The following P4HA3 variants were observed in gnomAD, a reference collection of about 807,000 sequenced individuals.
P4HA3 encodes prolyl 4-hydroxylase subunit alpha 3, also known as prolyl 4-hydroxylase subunit alpha-3.
Under a neutral mutation model 66.7 loss-of-function variants are expected in P4HA3, and 60 were observed. The ratio of observed to expected loss-of-function variants is 0.90; its 90% confidence interval spans 0.73 to 1.12. P4HA3 has a LOEUF of 1.12. Among genes scored for constraint, P4HA3 ranks in the 50% most tolerant of loss-of-function variants. The pLI, the probability that P4HA3 is intolerant of heterozygous loss-of-function variation, is 0.00. For missense variants in P4HA3, 683 were observed against 685.8 expected, an observed-to-expected ratio of 1.00 and a Z score of 0.05; for synonymous variants, 263 against 274.6, an observed-to-expected ratio of 0.96 and a Z score of 0.42.
chr11:74,311,417 C>T lies in P4HA3; in HGVS notation c.195G>A (p.Leu65=). 1 of 1,525,224 alleles carries T rather than the reference C, an allele frequency of 6.6e-7. No individual in the cohort carries two copies. Among genetic ancestry groups the T allele is most frequent in the Non-Finnish European group, 8.7e-7 (1 of 1,143,750 alleles). The allele number at this position is 1,525,224 out of a possible 1,614,324, so 94.5% of individuals were successfully genotyped here. A position where few individuals can be genotyped will look rare whatever the true frequency, so the allele number is the denominator to read the frequency against. ...CCCACTCGTCGTGCCCTCACCTAGT[C>T]AGGTCCCGCAGCCGCGCCTCCTCCC... ...LRGEEARLRD[L]TRFYDKVLSL... is the part of the protein sequence containing the mutation. Residue 65 remains leucine, a synonymous_variant, in exon 1 of 13, where the codon CTG becomes CTA. Transcript: ENST00000331597.
chr11:74,253,675 A>G, intron 15 of P4HA3: 2 of 754,658 alleles, frequency 2.7e-6, no homozygotes, highest in Non-Finnish European at 4.5e-6. Flanking sequence ...GTATTCTGCC[A>G]AAAGCATTGT....
At chr11:74,253,720 G>A (rs1859763498) in intron 15 of P4HA3, 1 of 622,482 alleles carries the variant, frequency 1.6e-6, no homozygotes, top group Non-Finnish European at 2.9e-6. Flanking sequence ...GGCTTCCCCA[G>A]TCCAGGGCTC....
intron 4 of P4HA3, among the ~76,000 whole-genome samples, chr11:74,290,376 T>C (rs896986645): frequency 4.0e-5 from 6 of 150,702 alleles, no homozygotes; most frequent in African/African-American, 1.5e-4. Flanking sequence ...TGCGAAAATT[T>C]TCTCCCATTT....
intron 1 of P4HA3, among the ~76,000 whole-genome samples, chr11:74,308,095 T>C (rs1274942185): frequency 6.6e-6 from 1 of 152,198 alleles, no homozygotes; most frequent in Non-Finnish European, 1.5e-5. Flanking sequence ...AGTTTCAACC[T>C]CAAGAATACT....
chr11:74,306,709 G>C (rs944688074), intron 1 of P4HA3, among the ~76,000 whole-genome samples: 2 of 152,136 alleles, frequency 1.3e-5, no homozygotes, highest in Admixed American at 6.5e-5. Flanking sequence ...TAAAGAGTGA[G>C]GTCCTCAACT....
chr11:74,277,603 T>C (rs1443929402), intron 8 of P4HA3, among the ~76,000 whole-genome samples: 1 of 152,262 alleles, frequency 6.6e-6, no homozygotes, highest in Admixed American at 6.5e-5. Flanking sequence ...CTTCACAGAC[T>C]TATAAAGATT....
chr11:74,254,206 C>T (rs1294839996), intron 15 of P4HA3: 1 of 153,102 alleles, frequency 6.5e-6, no homozygotes. Flanking sequence ...CCAGGCTGCT[C>T]CAGGGGCCTC....
Position 74,267,242 on chromosome 11 carries a change from A to G in P4HA3, c.*6T>C, listed in dbSNP as rs754771602. 50 of 1,614,052 alleles carry G rather than the reference A, an allele frequency of 3.1e-5. No homozygotes were observed. Among genetic ancestry groups the G allele is most frequent in the Non-Finnish European group, 4.2e-5 (49 of 1,180,038 alleles). Reference sequence around the variant, plus strand: ...AGGACTCCACCAGCTTCTCTCTGCCAACAGTTCAGTCTTCAGGGCTGGAGC... The same window carrying G: ...AGGACTCCACCAGCTTCTCTCTGCCGACAGTTCAGTCTTCAGGGCTGGAGC... On this transcript the variant is annotated 3_prime_UTR_variant, in exon 13 of 13. Coordinates refer to ENST00000331597, the MANE Select transcript of P4HA3 (RefSeq NM_182904.5).
intron 15 of P4HA3, among the ~76,000 whole-genome samples, chr11:74,259,479 T>C (rs757426904): frequency 4.6e-5 from 7 of 152,188 alleles, no homozygotes; most frequent in Non-Finnish European, 8.8e-5. Context: ...ATTTTAACCA[T>C]GTGGAAATGA....
At chr11:74,285,607 C>A in intron 7 of P4HA3, 2 of 544,084 alleles carry the variant, frequency 3.7e-6, no homozygotes, top group Non-Finnish European at 3.2e-6. Context: ...TCTTGTACAT[C>A]ATCCAGTTAA....
intron 15 of P4HA3, among the ~76,000 whole-genome samples, chr11:74,259,375 T>C (rs1054723859): frequency 5.9e-5 from 9 of 152,052 alleles, no homozygotes; most frequent in South Asian, 4.1e-4. Context: ...AAGAGCAAGA[T>C]TCTGTCTCAA....
At position 74,289,145 on chromosome 11, in the gene P4HA3, A is replaced by G. The variant is rs776986491; in HGVS notation, c.718-15T>C. 2.1e-5 allele frequency: 33 copies of G among 1,569,998 alleles called. No homozygotes were observed. The highest frequency in any genetic ancestry group is 3.6e-5 in the South Asian group (3 of 83,322). On this transcript the variant is annotated splice_polypyrimidine_tract_variant and intron_variant, in intron 4 of 12. Transcript: ENST00000331597. ...ACATTTCCTGCCTGTTAAAAAAAAAAAAAAGAAAAGAAAGCATTAACTTCA... is the reference window on the plus strand; with the variant it reads ...ACATTTCCTGCCTGTTAAAAAAAAAGAAAAGAAAAGAAAGCATTAACTTCA...
chr11:74,286,112 C>G, intron 6 of P4HA3, 116 bp downstream of exon 6: 1 of 1,478,344 alleles, frequency 6.8e-7, no homozygotes, highest in South Asian at 1.3e-5. Context: ...TGATGCTGCC[C>G]AAGTGAGCTT....
At chr11:74,288,948 C>A (rs1240495419) in intron 5 of P4HA3, 131 bp downstream of exon 5, 1,301 of 361,756 alleles carry the variant, frequency 3.6e-3, no homozygotes, top group African/African-American at 8.5e-3. Flanking sequence ...GATGCCATCT[C>A]AAAAAAAAAA....
At chr11:74,294,422 C>T (rs915675041) in intron 4 of P4HA3, among the ~76,000 whole-genome samples, 15 of 152,060 alleles carry the variant, frequency 9.9e-5, no homozygotes, top group Non-Finnish European at 1.6e-4. Flanking sequence ...GTAGTTTGAT[C>T]GTCTGAAGCC....
chr11:74,276,153 G>T (rs1169473313), intron 9 of P4HA3, among the ~76,000 whole-genome samples: 1 of 152,204 alleles, frequency 6.6e-6, no homozygotes, highest in Non-Finnish European at 1.5e-5. Context: ...ACTGCAAAAT[G>T]GGGGAGGGTG....
intron 8 of P4HA3, among the ~76,000 whole-genome samples, chr11:74,278,836 C>G (rs151110170): frequency 1.6e-4 from 25 of 152,228 alleles, no homozygotes; most frequent in Middle Eastern, 3.4e-3. Flanking sequence ...TGGCCTCCCC[C>G]CAAGGATGCT....
At chr11:74,294,479 GT>G (rs1394874544) in intron 4 of P4HA3, among the ~76,000 whole-genome samples, 1 of 152,118 alleles carries the variant, frequency 6.6e-6, no homozygotes, top group Non-Finnish European at 1.5e-5. Context: ...GCTTTGTTCC[GT>G]TGCTGGTGAG....
Position 74,267,092 on chromosome 11 carries a change from C to A in P4HA3, c.*156G>T. 6.5e-7 allele frequency: 1 copy of A among 1,539,450 alleles called. No individual in the cohort carries two copies. On this transcript the variant is annotated 3_prime_UTR_variant, in exon 13 of 13. Coordinates refer to ENST00000331597, the MANE Select transcript of P4HA3 (RefSeq NM_182904.5). ...GTACATTCTCAGTGTCCCCTGGTAA[C>A]AACCTCTCCCTTGCCTCTGATTTGC...
Sources: gnomAD v4.1 joint callset for allele counts (sites outside exome capture counted in the v4.1 genomes callset) on GRCh38, gnomAD v4.1.1 for gene constraint, MANE v1.5 for transcripts, NCBI Gene and HGNC (gene_info 2026-07-23, HGNC 2026-07-21) for gene names.